KCNK7: variants seen among roughly 807,000 people sequenced by gnomAD.
KCNK7 encodes potassium channel subfamily K member 7.
In KCNK7, 14 loss-of-function variants were observed where a neutral mutation model predicts 18.1. The ratio of observed to expected loss-of-function variants is 0.77; its 90% CI spans 0.51 to 1.21. KCNK7 has a LOEUF of 1.21. KCNK7 is among the 50% of genes most tolerant of loss of function. The pLI is 0.00. For missense variants in KCNK7, 385 were observed against 387.3 expected (o/e 0.99, Z 0.05); for synonymous variants, 188 against 184.7 (o/e 1.02, Z -0.15).
intron 1 of KCNK7, 48 bp from the exon 2 acceptor site, chr11:65,593,922 C>T (rs371991619): frequency 5.1e-5 from 76 of 1,492,612 alleles, no homozygotes; most frequent in Middle Eastern, 1.8e-4. Context: ...AGTGCCATGT[C>T]TGCTGGGGTC....
rs61748955 is a variant in KCNK7 at position 65,593,663 on chromosome 11, C to G, written c.531G>C (p.Leu177=). 2 of 1,604,896 alleles carry G rather than the reference C, an allele frequency of 1.2e-6. No homozygotes were observed. The highest frequency in any genetic ancestry group is 2.2e-5 in the South Asian group (2 of 90,980). The change falls in exon 2 of 3, where the codon CTG becomes CTC. Residue 177 remains leucine, a synonymous_variant. Transcript: ENST00000340313. ...GCAGCAGCACAAAGCTGCTGGCCAC[C>G]AGCAGTCCCAGTGCAACTGCCTGCA... is the stretch of plus-strand genomic sequence containing the variant. ...ALLQAVALGL[L]VASSFVLLPA...
Position 65,595,494 on chromosome 11 carries a change from G to A in KCNK7, c.279C>T (p.Pro93=). 1 of 1,493,046 alleles carries A rather than the reference G, an allele frequency of 6.7e-7. No homozygotes were observed. Among genetic ancestry groups the A allele is most frequent in the Non-Finnish European group, 9.0e-7 (1 of 1,110,178 alleles). The allele number at this position is 1,493,046 out of a possible 1,614,324, so 92.5% of individuals were successfully genotyped here. The change falls in exon 1 of 3, where the codon CCC becomes CCT. Residue 93 remains proline (P), a synonymous_variant. Coordinates refer to ENST00000340313, the MANE Select transcript of KCNK7 (RefSeq NM_033347.2). ...TGCTGGCAGCGAAGAGCAGGGCTGA[G>A]GGAAGGTCCCAGGTCCTGCCCTCTG... ...NSSEGRTWDL[P]SALLFAASIL...
At chr11:65,595,425 C>A (rs1481476106) in intron 1 of KCNK7, 29 bp downstream of exon 1, 1 of 1,411,550 alleles carries the variant, frequency 7.1e-7, no homozygotes, top group East Asian at 2.4e-5. Flanking sequence ...GGAGCCGCAC[C>A]CCCCGACTTG....
In KCNK7 at chr11:65,595,647, C is replaced by T. The variant is rs200665936; in HGVS notation, c.126G>A (p.Glu42=). Residue 42 remains glutamate (E), a synonymous_variant, in exon 1 of 3, where the codon GAG becomes GAA. Transcript: ENST00000340313. ...EGPPACRLQA[E]LRAELAAFQA... is the part of the protein sequence containing the mutation. ...GGAAGGCTGCCAGCTCTGCCCTGAG[C>T]TCAGCCTGAAGCCTGCATGCAGGAG... 5.9e-5 allele frequency: 95 copies of T among 1,605,376 alleles called. No homozygotes were observed. The highest frequency in any genetic ancestry group is 7.8e-5 in the Non-Finnish European group (92 of 1,176,340).
chr11:65,593,767 A>G lies in KCNK7; in HGVS notation c.427T>C (p.Cys143Arg), dbSNP rs1357831220. ...GGGCGGCTGAGCACAGGCAGCAGGC[A>G]ATGGCGCAGGGTGGCCACGAGAGCT... ...SLALVATLRH[C>R]LLPVLSRPRA... The change falls in exon 2 of 3, where the codon TGC becomes CGC. Residue 143 changes from cysteine (C) to arginine (R), a missense_variant. By Grantham distance (180) the Cys-to-Arg change is radical. Coordinates refer to ENST00000340313, the MANE Select transcript of KCNK7 (RefSeq NM_033347.2). The G allele has an allele frequency of 1.2e-6, 2 of 1,611,156 alleles. No homozygotes were observed. The highest frequency in any genetic ancestry group is 1.3e-5 in the African/African-American group (1 of 75,060).
Position 65,593,809 on chromosome 11 carries a change from C to A in KCNK7, c.385G>T (p.Gly129Trp), listed in dbSNP as rs1317851707. ...ACGAGAGCTAAGGAGGCTGGCAGCC[C>A]CAGGGCTGCATAGACCATGCAGAAG... ...KAFCMVYAAL[G>W]LPASLALVAT... is the part of the protein sequence containing the mutation. Residue 129 changes from glycine (G) to tryptophan (W), a missense_variant, in exon 2 of 3, where the codon GGG becomes TGG. Transcript: ENST00000340313. 1 of 1,603,050 alleles carries A rather than the reference C, an allele frequency of 6.2e-7. No individual in the cohort carries two copies. The highest frequency in any genetic ancestry group is 1.7e-4 in the Middle Eastern group (1 of 6,020).
In KCNK7 at chr11:65,595,569, GC is replaced by G; in HGVS notation, c.203del (p.Gly68AlafsTer67). The G allele has an allele frequency of 6.3e-7, 1 of 1,591,572 alleles. No homozygotes were observed. Among genetic ancestry groups the G allele is most frequent in the Non-Finnish European group, 8.6e-7 (1 of 1,165,244 alleles). On this transcript the variant is annotated frameshift_variant, in exon 1 of 3. Coordinates refer to ENST00000340313, the MANE Select transcript of KCNK7 (RefSeq NM_033347.2). LOFTEE classifies it high-confidence loss of function. ...LPPGALEELL[G>X]TALATQAHGV... is the part of the protein sequence containing the mutation. ...CATGGGCCTGGGTGGCCAGGGCAGT[GC>G]CCAGCAGCTCTTCCAGAGCTCCGGG...
rs1188558590 is a variant in KCNK7 at position 65,595,508 on chromosome 11, T to C, written c.265A>G (p.Thr89Ala). 6.5e-7 allele frequency: 1 copy of C among 1,528,660 alleles called. No individual in the cohort carries two copies. Among genetic ancestry groups the C allele is most frequent in the Admixed American group, 2.0e-5 (1 of 50,878 alleles). The allele number at this position is 1,528,660 out of a possible 1,614,324, so 94.7% of individuals were successfully genotyped here. The change falls in exon 1 of 3, where the codon ACC becomes GCC. Residue 89 changes from threonine to alanine, a missense_variant. Physicochemically the swap from Thr to Ala is moderately conservative, Grantham distance 58. Transcript: ENST00000340313. ...AGCAGGGCTGAGGGAAGGTCCCAGG[T>C]CCTGCCCTCTGAGCTGTTGCCCAGG... ...STLGNSSEGR[T>A]WDLPSALLFA...
At chr11:65,593,449 C>A in intron 2 of KCNK7, 27 bp downstream of exon 2, 1 of 1,613,830 alleles carries the variant, frequency 6.2e-7, no homozygotes, top group South Asian at 1.1e-5. Context: ...CCCCTTCCCC[C>A]ACACGCTGTT....
Position 65,593,515 on chromosome 11 carries a change from G to GCAGGCTGCGGC in KCNK7, c.668_678dup (p.His227AlafsTer7), listed in dbSNP as rs1488673248. The stretch of plus-strand genomic sequence containing the variant: ...TGGCCCAGGTGGTAAATCACGGGGT[G>GCAGGCTGCGGC]CAGGCTGCGGCCGCGGCCGGGCAGC... On this transcript the variant is annotated frameshift_variant, in exon 2 of 3. Coordinates refer to ENST00000340313, the MANE Select transcript of KCNK7 (RefSeq NM_033347.2). LOFTEE classifies it low-confidence loss of function (END_TRUNC). 2 of 1,612,788 alleles carry GCAGGCTGCGGC rather than the reference G, an allele frequency of 1.2e-6. No homozygotes were observed. Among genetic ancestry groups the GCAGGCTGCGGC allele is most frequent in the Non-Finnish European group, 1.7e-6 (2 of 1,179,916 alleles).
chr11:65,595,400 G>A (rs1261364721), intron 1 of KCNK7, 54 bp downstream of exon 1: 11 of 1,353,410 alleles, frequency 8.1e-6, no homozygotes, highest in Non-Finnish European at 1.1e-5. Context: ...AGCCCCCAGG[G>A]AGCCATGGCC....
Position 65,593,642 on chromosome 11 carries a change from C to G in KCNK7, c.552G>C (p.Leu184=), listed in dbSNP as rs764297135. ...GGCCCCACAGCACCAGCGCTGGCAG[C>G]AGCACAAAGCTGCTGGCCACCAGCA... is the stretch of plus-strand genomic sequence containing the variant. ...LGLLVASSFV[L]LPALVLWGLQ... is the part of the protein sequence containing the mutation. The change falls in exon 2 of 3, where the codon CTG becomes CTC. Residue 184 remains leucine (L), a synonymous_variant. Coordinates refer to ENST00000340313, the MANE Select transcript of KCNK7 (RefSeq NM_033347.2). The G allele has an allele frequency of 4.4e-6, 7 of 1,604,212 alleles. No individual in the cohort carries two copies. The highest frequency in any genetic ancestry group is 5.9e-6 in the Non-Finnish European group (7 of 1,179,024).
rs1424409641 is a variant in KCNK7 at position 65,595,714 on chromosome 11, G to A, written c.59C>T (p.Ala20Val). 1 of 1,590,162 alleles carries A rather than the reference G, an allele frequency of 6.3e-7. No individual in the cohort carries two copies. Among genetic ancestry groups the A allele is most frequent in the South Asian group, 1.1e-5 (1 of 89,224 alleles). Residue 20 changes from alanine (A) to valine (V), a missense_variant, in exon 1 of 3, where the codon GCC (alanine) becomes GTC (valine). Transcript: ENST00000340313. ...YGLLVVAHLL[A>V]LGLGAVVFQA... ...GAACACCACAGCCCCAAGCCCCAGG[G>A]CCAGCAAGTGGGCCACAACCAGGAG...
rs1858430203 is a variant in KCNK7 at position 65,592,934 on chromosome 11, C to T, written c.*71G>A. The T allele has an allele frequency of 6.5e-7, 1 of 1,533,144 alleles. No individual in the cohort carries two copies. The highest frequency in any genetic ancestry group is 8.8e-7 in the Non-Finnish European group (1 of 1,139,980). 95.0% of individuals were successfully genotyped at this position (1,533,144 alleles called of 1,614,324 possible). Reference sequence around the variant, plus strand: ...CCGCGGCTCCATCTCCAGATTCTTCCCCAGCCACTCCTGGCTGCTTCCTCC... The same window carrying T: ...CCGCGGCTCCATCTCCAGATTCTTCTCCAGCCACTCCTGGCTGCTTCCTCC... On this transcript the variant is annotated 3_prime_UTR_variant, in exon 3 of 3. Coordinates refer to ENST00000340313, the MANE Select transcript of KCNK7 (RefSeq NM_033347.2).
rs1179650433 is a variant in KCNK7 at position 65,592,980 on chromosome 11, G to A, written c.*25C>T. The stretch of plus-strand genomic sequence containing the variant: ...CCTCCTCAGGTGCCGCCACCTTACG[G>A]AGCTGAACTCGGTCACCTGACGCTT... On this transcript the variant is annotated 3_prime_UTR_variant, in exon 3 of 3. Coordinates refer to ENST00000340313, the MANE Select transcript of KCNK7 (RefSeq NM_033347.2). 6.2e-7 allele frequency: 1 copy of A among 1,607,614 alleles called. No homozygotes were observed. The highest frequency in any genetic ancestry group is 8.5e-7 in the Non-Finnish European group (1 of 1,177,638).
In KCNK7 at chr11:65,595,689, GAAC is replaced by G; in HGVS notation, c.81_83del (p.Phe28del). 6.2e-7 allele frequency: 1 copy of G among 1,602,394 alleles called. No individual in the cohort carries two copies. Among genetic ancestry groups the G allele is most frequent in the Non-Finnish European group, 8.5e-7 (1 of 1,174,614 alleles). ...ATGCAGGAGGCCCCTCCAGGGCCTG[GAAC>G]ACCACAGCCCCAAGCCCCAGGGCCA... On this transcript the variant is annotated inframe_deletion, in exon 1 of 3. Coordinates refer to ENST00000340313, the MANE Select transcript of KCNK7 (RefSeq NM_033347.2).
chr11:65,593,329 C>T, intron 2 of KCNK7, 119 bp from the exon 3 acceptor site: 1 of 1,613,958 alleles, frequency 6.2e-7, no homozygotes, highest in Non-Finnish European at 8.5e-7. Flanking sequence ...AACGCTGCCA[C>T]CAGAGCTCTT....
chr11:65,595,757 G>T lies in KCNK7; in HGVS notation c.16C>A (p.Pro6Thr), dbSNP rs747730582. The T allele has an allele frequency of 6.5e-7, 1 of 1,543,554 alleles. No individual in the cohort carries two copies. The highest frequency in any genetic ancestry group is 1.9e-5 in the Admixed American group (1 of 52,280). Reference sequence around the variant, plus strand: ...ACCAGGAGCCCGTATCGGGACCAGGGCCTTAGACCCCCCATGGCAGGCCGC... The same window carrying T: ...ACCAGGAGCCCGTATCGGGACCAGGTCCTTAGACCCCCCATGGCAGGCCGC... Reference protein sequence around the residue: MGGLRPWSRYGLLVVA... With the variant: MGGLRTWSRYGLLVVA... Residue 6 changes from proline to threonine, a missense_variant, in exon 1 of 3, where the codon CCC becomes ACC. Physicochemically the swap from Pro to Thr is conservative, Grantham distance 38 (BLOSUM62 -1). Coordinates refer to ENST00000340313, the MANE Select transcript of KCNK7 (RefSeq NM_033347.2).
intron 2 of KCNK7, 116 bp downstream of exon 2, chr11:65,593,360 T>C (rs201311246): frequency 1.9e-6 from 3 of 1,613,844 alleles, no homozygotes. Flanking sequence ...TCCCACGCCG[T>C]GCCCTGGAGT....
Sources: gnomAD v4.1 joint callset for allele counts on GRCh38, gnomAD v4.1.1 for gene constraint, MANE v1.5 for transcripts, NCBI Gene and HGNC (gene_info 2026-07-23, HGNC 2026-07-21) for gene names.